The following DYNC2H1 variants were observed in gnomAD, a reference collection of about 807,000 sequenced individuals.
DYNC2H1 encodes the protein cytoplasmic dynein 2 heavy chain 1.
DYNC2H1 carries 410 observed loss-of-function variants against 570.0 expected under a neutral mutation model. The observed-to-expected ratio is 0.72, with a 90% CI of 0.66 to 0.78. The LOEUF (loss-of-function observed/expected upper bound fraction) is 0.78. DYNC2H1 is among the 30% of genes least tolerant of loss of function. DYNC2H1 has a pLI of 0.00. For synonymous variants in DYNC2H1, 1,688 were observed against 1,677.6 expected (o/e 1.01, Z -0.15); for missense variants, 4,865 against 5,046.4 (o/e 0.96, Z 1.09).
intron 55 of DYNC2H1, among the ~76,000 whole-genome samples, chr11:103,217,999 A>G (rs1249173099): frequency 6.6e-6 from 1 of 152,188 alleles, no homozygotes; most frequent in African/African-American, 2.4e-5. Context: ...AGTGTGAGCT[A>G]AAGTCCCAGT....
chr11:103,130,569 A>G (rs1402649522), intron 13 of DYNC2H1, among the ~76,000 whole-genome samples: 2 of 152,250 alleles, frequency 1.3e-5, no homozygotes, highest in Admixed American at 6.5e-5. Context: ...CCATGAAGAA[A>G]TGACCATTTT....
At chr11:103,270,742 G>T (rs913521861) in intron 70 of DYNC2H1, among the ~76,000 whole-genome samples, 4 of 152,138 alleles carry the variant, frequency 2.6e-5, no homozygotes, top group African/African-American at 9.7e-5. Flanking sequence ...ACCCAGACAG[G>T]ATGGAGCCAG....
rs567871943 is a variant in DYNC2H1 at position 103,461,427 on chromosome 11, G to T, written c.12648+5071G>T. 1.3e-5 allele frequency among the ~76,000 whole-genome samples: 2 copies of T among 152,172 alleles called. No individual in the cohort carries two copies. Among genetic ancestry groups the T allele is most frequent in the South Asian group, 4.1e-4 (2 of 4,822 alleles). On this transcript the variant is annotated intron_variant, in intron 87 of 88. Coordinates refer to ENST00000375735, the MANE Select transcript of DYNC2H1 (RefSeq NM_001377.3). This position sits in a 1 kb window ranked among gnomAD's most constrained non-coding sequence, Gnocchi z 4.8. ...GAACATATTTATGTATTGATTTTCAGTTCCTGAACATGGCCCTCTAAAATT... is the reference window on the plus strand; with the variant it reads ...GAACATATTTATGTATTGATTTTCATTTCCTGAACATGGCCCTCTAAAATT...
chr11:103,316,584 CG>C lies in DYNC2H1; in HGVS notation c.11692del (p.Ala3898LeufsTer34). 1 of 1,559,874 alleles carries C rather than the reference CG, an allele frequency of 6.4e-7. No individual in the cohort carries two copies. The highest frequency in any genetic ancestry group is 1.7e-4 in the Middle Eastern group (1 of 5,956). On this transcript the variant is annotated frameshift_variant, in exon 80 of 89. Coordinates refer to ENST00000375735, the MANE Select transcript of DYNC2H1 (RefSeq NM_001377.3). LOFTEE classifies it high-confidence loss of function. The stretch of plus-strand genomic sequence containing the variant: ...TTATGAATTTTCTTTATCAGATCTT[CG>C]GGCTGGGTACAACATTATTGACAGA... ...KFYEFSLSDL[R>X]AGYNIIDRLF...
At chr11:103,358,216 G>T (rs781360805) in intron 82 of DYNC2H1, 27 bp from the exon 83 acceptor site, 1 of 1,339,918 alleles carries the variant, frequency 7.5e-7, no homozygotes, top group East Asian at 2.5e-5. Flanking sequence ...CTTTTTATTT[G>T]TTGATACTTA....
intron 3 of DYNC2H1, 32 bp downstream of exon 3, chr11:103,114,270 C>T: frequency 1.3e-6 from 2 of 1,518,232 alleles, no homozygotes; most frequent in African/African-American, 1.4e-5. Flanking sequence ...AAAGAGAGTA[C>T]AAAATGATTG....
chr11:103,479,176 A>C lies in DYNC2H1; in HGVS notation c.12847A>C (p.Asn4283His), dbSNP rs772458795. Residue 4283 changes from asparagine (N) to histidine (H), a missense_variant, in exon 89 of 89, where the codon AAT becomes CAT. Physicochemically the swap from Asn to His is moderately conservative, Grantham distance 68. This residue lies in a region of DYNC2H1 where 2,401 missense variants were observed against 2,454.6 expected (regional missense o/e 0.98). Transcript: ENST00000375735. ...TSAERDRVVT[N>H]IDVPCGGNQD... ...TGCTGAAAGGGATCGTGTGGTTACC[A>C]ATATTGATGTTCCATGTGGGGGCAA... is the stretch of plus-strand genomic sequence containing the variant. 2 of 1,613,742 alleles carry C rather than the reference A, an allele frequency of 1.2e-6. No individual in the cohort carries two copies. The highest frequency in any genetic ancestry group is 1.3e-5 in the African/African-American group (1 of 74,924).
At chr11:103,109,820 A>T in intron 1 of DYNC2H1, 51 bp downstream of exon 1, 1 of 1,548,846 alleles carries the variant, frequency 6.5e-7, no homozygotes, top group Non-Finnish European at 8.8e-7. Flanking sequence ...TCAAGTCCCC[A>T]GGCCCAGCCA....
At chr11:103,269,491 G>C (rs1865620502) in intron 70 of DYNC2H1, among the ~76,000 whole-genome samples, 1 of 152,176 alleles carries the variant, frequency 6.6e-6, no homozygotes, top group Non-Finnish European at 1.5e-5. Flanking sequence ...GGCAACAGTA[G>C]ACTCTTGAAA....
rs1232829075 is a variant in DYNC2H1 at position 103,304,505 on chromosome 11, A to G, written c.11257-90A>G. ...TTATTAAAGCCAGTTAGGAAGGTTT[A>G]GGGATTACTATTATTGAATCTCATA... On this transcript the variant is annotated intron_variant, in intron 76 of 88. Coordinates refer to ENST00000375735, the MANE Select transcript of DYNC2H1 (RefSeq NM_001377.3). The G allele has an allele frequency of 7.3e-6, 10 of 1,374,350 alleles. No homozygotes were observed. In the East Asian group the frequency reaches 2.0e-4, roughly 28 times the overall value. The allele number at this position is 1,374,350 out of a possible 1,614,324, so 85.1% of individuals were successfully genotyped here.
rs1158522407 is a variant in DYNC2H1, at chr11:103,326,820, GC to G, written c.12039+2832del. Among the ~76,000 whole-genome samples the G allele has an allele frequency of 6.6e-6, 1 of 152,156 alleles. No homozygotes were observed. The highest frequency in any genetic ancestry group is 1.9e-4 in the East Asian group (1 of 5,188). ...GGCCTGGCAGTCAGCTGATGCTAGA[GC>G]CTCTAGGAGGGTGATGAGGACCCCT... On this transcript the variant is annotated intron_variant, in intron 82 of 88. Coordinates refer to ENST00000375735, the MANE Select transcript of DYNC2H1 (RefSeq NM_001377.3). The surrounding 1 kb of genome is among the most constrained non-coding windows in gnomAD (Gnocchi z 6.1).
At chr11:103,478,966 TA>T (rs1306949094) in intron 88 of DYNC2H1, 128 bp from the exon 89 acceptor site, 9 of 1,056,898 alleles carry the variant, frequency 8.5e-6, no homozygotes, top group Non-Finnish European at 1.2e-5. Context: ...AGGGGGATGA[TA>T]GGGGTTCATC....
intron 34 of DYNC2H1, 76 bp downstream of exon 34, chr11:103,171,144 C>A (rs1861551122): frequency 2.5e-6 from 3 of 1,199,886 alleles, no homozygotes; most frequent in South Asian, 6.1e-5. Flanking sequence ...AAGCAATATT[C>A]TCTTTTTATT....
At chr11:103,316,703 G>A in intron 80 of DYNC2H1, 83 bp downstream of exon 80, 1 of 1,088,676 alleles carries the variant, frequency 9.2e-7, no homozygotes, top group African/African-American at 1.7e-5. Flanking sequence ...TTCAGAAGTG[G>A]CTTAACTTCC....
chr11:103,220,072 C>G (rs1397850971), intron 56 of DYNC2H1, 44 bp downstream of exon 56: 6 of 1,082,670 alleles, frequency 5.5e-6, no homozygotes, highest in Non-Finnish European at 7.7e-6. Flanking sequence ...TTTTTGCTTA[C>G]CAGTTATATG....
At chr11:103,221,698 A>C (rs953223980) in intron 57 of DYNC2H1, among the ~76,000 whole-genome samples, 8 of 152,140 alleles carry the variant, frequency 5.3e-5, no homozygotes, top group African/African-American at 1.9e-4. Flanking sequence ...TCTACCAAAA[A>C]TACAAAAATT....
Position 103,114,102 on chromosome 11 carries a change from G to C in DYNC2H1, c.367-1G>C. 6.2e-7 allele frequency: 1 copy of C among 1,608,974 alleles called. No individual in the cohort carries two copies. Among genetic ancestry groups the C allele is most frequent in the Non-Finnish European group, 8.5e-7 (1 of 1,177,512 alleles). On this transcript the variant is annotated splice_acceptor_variant, in intron 2 of 88. Transcript: ENST00000375735. LOFTEE classifies it high-confidence loss of function. ...GGTTGCTCTTGTCTGTTTTTATTTAGGATCAGGAATGGAGCAGAAACTTTG... is the reference window on the plus strand; with the variant it reads ...GGTTGCTCTTGTCTGTTTTTATTTACGATCAGGAATGGAGCAGAAACTTTG...
At position 103,201,858 on chromosome 11, in the gene DYNC2H1, A is replaced by G. The variant is rs576223136; in HGVS notation, c.8197+1704A>G. ...AGCTTAGTTTTAAACTTGGATCAAG[A>G]GTGTTTTGTTATTTAAGTACAAAAT... On this transcript the variant is annotated intron_variant, in intron 50 of 88. Coordinates refer to ENST00000375735, the MANE Select transcript of DYNC2H1 (RefSeq NM_001377.3). This position sits in a 1 kb window ranked among gnomAD's most constrained non-coding sequence, Gnocchi z 4.8. Among the ~76,000 whole-genome samples, 1 of 152,274 alleles carries G rather than the reference A, an allele frequency of 6.6e-6. No individual in the cohort carries two copies. The highest frequency in any genetic ancestry group is 2.1e-4 in the South Asian group (1 of 4,826).
chr11:103,161,889 A>T (rs763784026), intron 29 of DYNC2H1, among the ~76,000 whole-genome samples: 2 of 152,204 alleles, frequency 1.3e-5, no homozygotes, highest in African/African-American at 4.8e-5. Context: ...ATTTCAAATT[A>T]TCTTCCACCT....
Sources: allele counts gnomAD v4.1 joint callset (sites outside exome capture counted in the v4.1 genomes callset), GRCh38; gene constraint gnomAD v4.1.1; regional missense constraint gnomAD v4.1.1; non-coding constraint Gnocchi (gnomAD v3.1); transcripts MANE v1.5; gene names NCBI Gene and HGNC (gene_info 2026-07-23, HGNC 2026-07-21).